HECW1: variants seen among roughly 807,000 people sequenced by gnomAD.
HECW1 encodes the protein E3 ubiquitin-protein ligase HECW1.
HECW1 carries 61 observed loss-of-function variants against 182.3 expected under a neutral mutation model. The observed-to-expected ratio is 0.33, with a 90% CI of 0.27 to 0.41. HECW1 has a LOEUF of 0.41. Among genes scored for constraint, HECW1 ranks in the 10% least tolerant of loss-of-function variants. The pLI is 1.00. For missense variants in HECW1, 1,739 were observed against 2,108.9 expected, an observed-to-expected ratio of 0.82 and a Z score of 3.44; for synonymous variants, 859 against 832.6, an observed-to-expected ratio of 1.03 and a Z score of -0.55.
intron 2 of HECW1, among the ~76,000 whole-genome samples, chr7:43,181,898 G>C (rs6943910): frequency 0.25 from 37,423 of 149,974 alleles, 5,621 homozygotes; most frequent in African/African-American, 0.28. Context: ...TGCCATTCTC[G>C]TGCCTCAGCC....
chr7:43,546,971 C>A (rs905886052), intron 26 of HECW1, among the ~76,000 whole-genome samples: 1 of 152,148 alleles, frequency 6.6e-6, no homozygotes, highest in Non-Finnish European at 1.5e-5. Context: ...CCTGTACAGG[C>A]CGATATCCTT....
chr7:43,116,527 A>G (rs1583558502), intron 2 of HECW1, among the ~76,000 whole-genome samples: 1 of 152,216 alleles, frequency 6.6e-6, no homozygotes, highest in African/African-American at 2.4e-5. Flanking sequence ...ACCAGAGACA[A>G]CCATCCTTCC....
Position 43,407,576 on chromosome 7 carries a change from G to A in HECW1, c.646G>A (p.Gly216Arg). ...TTATTTTATAGATTTCCAAGCCATG[G>A]GGTTGAAGAAAGGGATGTTTTTCAA... The part of the protein sequence containing the change: ...SFSLSDFQAM[G>R]LKKGMFFNPD... The change falls in exon 8 of 30, where the codon GGG becomes AGG. Residue 216 changes from glycine (G) to arginine (R), a missense_variant. By Grantham distance (125) the Gly-to-Arg change is moderately radical (BLOSUM62 -2). Transcript: ENST00000395891. The A allele has an allele frequency of 6.2e-7, 1 of 1,611,810 alleles. No homozygotes were observed. The highest frequency in any genetic ancestry group is 8.5e-7 in the Non-Finnish European group (1 of 1,178,576).
intron 3 of HECW1, among the ~76,000 whole-genome samples, chr7:43,247,941 G>A (rs111069919): frequency 4.2e-5 from 5 of 118,386 alleles, no homozygotes; most frequent in African/African-American, 1.3e-4. Context: ...AAAAGAGAGA[G>A]AAAAAAGGAG....
At chr7:43,160,586 T>C (rs1411219671) in intron 2 of HECW1, among the ~76,000 whole-genome samples, 3 of 152,218 alleles carry the variant, frequency 2.0e-5, no homozygotes, top group African/African-American at 7.2e-5. Context: ...CATCGCAAAG[T>C]CTTCAACGTA....
At chr7:43,468,192 C>T (rs1202619969) in intron 15 of HECW1, among the ~76,000 whole-genome samples, 1 of 152,124 alleles carries the variant, frequency 6.6e-6, no homozygotes, top group African/African-American at 2.4e-5. Flanking sequence ...TACACACACA[C>T]AAGTTTTTAC....
At chr7:43,266,042 T>G (rs1427470574) in intron 3 of HECW1, among the ~76,000 whole-genome samples, 1 of 152,048 alleles carries the variant, frequency 6.6e-6, no homozygotes, top group Non-Finnish European at 1.5e-5. Context: ...GCCACATCAT[T>G]TAGGGTTTTT....
intron 3 of HECW1, among the ~76,000 whole-genome samples, chr7:43,266,812 A>C (rs1801856788): frequency 1.3e-5 from 2 of 152,248 alleles, no homozygotes; most frequent in East Asian, 3.8e-4. Flanking sequence ...ATTCTATTTA[A>C]AAGAGACACG....
At chr7:43,380,363 C>A (rs1039306251) in intron 6 of HECW1, among the ~76,000 whole-genome samples, 2 of 152,084 alleles carry the variant, frequency 1.3e-5, no homozygotes, top group Admixed American at 1.3e-4. Flanking sequence ...TGTGCCCAGC[C>A]TCTTTGAGTT....
chr7:43,205,634 C>T (rs572627677), intron 2 of HECW1, among the ~76,000 whole-genome samples: 6 of 152,262 alleles, frequency 3.9e-5, no homozygotes, highest in South Asian at 2.1e-4. Flanking sequence ...GTAAGAATGT[C>T]GCGCAGGTTG....
chr7:43,121,109 G>T (rs1785561516), intron 2 of HECW1, among the ~76,000 whole-genome samples: 1 of 152,070 alleles, frequency 6.6e-6, no homozygotes, highest in Admixed American at 6.5e-5. Context: ...ACATTTTGTT[G>T]GTCCTGAACT....
chr7:43,365,324 C>G (rs1159958152), intron 6 of HECW1, among the ~76,000 whole-genome samples: 3 of 152,246 alleles, frequency 2.0e-5, no homozygotes, highest in Non-Finnish European at 2.9e-5. Flanking sequence ...AGTGGGCCTC[C>G]TCCCCACCCA....
intron 6 of HECW1, among the ~76,000 whole-genome samples, chr7:43,390,553 A>C (rs1038313452): frequency 6.6e-6 from 1 of 151,662 alleles, no homozygotes; most frequent in Admixed American, 6.6e-5. Context: ...AAAAAACAAA[A>C]AAAAAACAGC....
intron 24 of HECW1, among the ~76,000 whole-genome samples, chr7:43,537,189 G>A (rs770481399): frequency 6.6e-6 from 1 of 152,178 alleles, no homozygotes; most frequent in East Asian, 1.9e-4. Flanking sequence ...GCTCTCGAAC[G>A]GGGCCCTGGG....
In HECW1 at chr7:43,509,087, C is replaced by A; in HGVS notation, c.3985C>A (p.Pro1329Thr). ...ANDTYTVQIS[P>T]MSAFVENHLE... ...TGATACTTACACGGTGCAGATCAGC[C>A]CCATGTCCGCATTTGTAGAAAACCA... The change falls in exon 24 of 30, where the codon CCC becomes ACC. Residue 1329 changes from proline to threonine, a missense_variant. Physicochemically the swap from Pro to Thr is conservative, Grantham distance 38 (BLOSUM62 -1). Transcript: ENST00000395891. The A allele has an allele frequency of 6.2e-7, 1 of 1,614,070 alleles. No individual in the cohort carries two copies. Among genetic ancestry groups the A allele is most frequent in the Non-Finnish European group, 8.5e-7 (1 of 1,179,964 alleles).
intron 11 of HECW1, 21 bp downstream of exon 11, chr7:43,445,591 A>G (rs945575669): frequency 6.5e-7 from 1 of 1,537,892 alleles, no homozygotes; most frequent in African/African-American, 1.4e-5. Flanking sequence ...AAACCTGATC[A>G]GAGTGAGAAT....
chr7:43,298,837 C>A (rs907122570), intron 3 of HECW1, among the ~76,000 whole-genome samples: 29 of 152,194 alleles, frequency 1.9e-4, no homozygotes, highest in Non-Finnish European at 7.3e-5. Context: ...CTGCCGCCCC[C>A]ACATCTCGAG....
chr7:43,486,245 AT>A (rs1232048971), intron 17 of HECW1, among the ~76,000 whole-genome samples: 1 of 150,214 alleles, frequency 6.7e-6, no homozygotes, highest in Non-Finnish European at 1.5e-5. Flanking sequence ...TATGTGCCAC[AT>A]TTTCTTTATC....
chr7:43,498,830 C>T (rs2079216524), intron 19 of HECW1, among the ~76,000 whole-genome samples: 1 of 151,532 alleles, frequency 6.6e-6, no homozygotes, highest in African/African-American at 2.4e-5. Context: ...TCTTCCCTTG[C>T]CTTAAAAAAA....
Sources: gnomAD v4.1 joint callset for allele counts (sites outside exome capture counted in the v4.1 genomes callset) on GRCh38, gnomAD v4.1.1 for gene constraint, MANE v1.5 for transcripts, NCBI Gene and HGNC (gene_info 2026-07-23, HGNC 2026-07-21) for gene names.